The following ESRRB variants were observed in gnomAD, a reference collection of about 807,000 sequenced individuals.
ESRRB encodes steroid hormone receptor ERR2.
A neutral mutation model predicts 46.0 loss-of-function variants in ESRRB; 16 were observed. The ratio of observed to expected loss-of-function variants is 0.35; its 90% CI spans 0.24 to 0.53. The LOEUF (loss-of-function observed/expected upper bound fraction) is 0.53. Among genes scored for constraint, ESRRB ranks in the 20% least tolerant of loss-of-function variants. ESRRB has a pLI of 0.93. For synonymous variants in ESRRB, 246 were observed against 259.6 expected (o/e 0.95, Z 0.50); for missense variants, 488 against 607.4 (o/e 0.80, Z 2.07).
At chr14:76,354,234 C>T (rs1465295947) in intron 1 of ESRRB, among the ~76,000 whole-genome samples, 5 of 98,372 alleles carry the variant, frequency 5.1e-5, no homozygotes, top group African/African-American at 2.1e-4. Flanking sequence ...GCCCCCCCCC[C>T]CACCCACACT....
intron 1 of ESRRB, among the ~76,000 whole-genome samples, chr14:76,404,149 G>T (rs915249092): frequency 1.3e-5 from 2 of 151,964 alleles, no homozygotes; most frequent in Non-Finnish European, 2.9e-5. Flanking sequence ...TTGCATTAGG[G>T]TGTTCCAGAA....
At chr14:76,459,002 A>T (rs1218817904) in intron 2 of ESRRB, among the ~76,000 whole-genome samples, 1 of 151,700 alleles carries the variant, frequency 6.6e-6, no homozygotes, top group African/African-American at 2.4e-5. Flanking sequence ...GCACCACCAC[A>T]CCTGGCTAAG....
rs1380258950 is a variant in ESRRB at position 76,462,807 on chromosome 14, C to T, written c.577+146C>T. 4.0e-6 allele frequency: 3 copies of T among 743,186 alleles called. No individual in the cohort carries two copies. The Admixed American group carries it at 5.2e-5, about 13-fold the overall frequency. The allele number at this position is 743,186 out of a possible 1,614,324, so 46.0% of individuals were successfully genotyped here. The stretch of plus-strand genomic sequence containing the variant: ...CCCATCTCCTCCCACACCCTGCCAG[C>T]CTGCCACGGCGCCCGCATGGCTCTC... On this transcript the variant is annotated intron_variant, in intron 3 of 6. Transcript: ENST00000644823.
chr14:76,491,967 G>A (rs185059292), intron 6 of ESRRB, among the ~76,000 whole-genome samples: 105 of 152,318 alleles, frequency 6.9e-4, no homozygotes, highest in African/African-American at 2.4e-3. Flanking sequence ...AAGGACATGG[G>A]TTCTGAGGCC....
rs564137305 is a variant in ESRRB at position 76,468,932 on chromosome 14, T to G, written c.577+6271T>G. 3.9e-5 allele frequency among the ~76,000 whole-genome samples: 6 copies of G among 152,234 alleles called. No homozygotes were observed. The East Asian group carries it at 9.7e-4, about 25-fold the overall frequency. On this transcript the variant is annotated intron_variant, in intron 3 of 6. Coordinates refer to ENST00000644823, the MANE Select transcript of ESRRB (RefSeq NM_001379180.1). ...AATAGAAAGTCAAATGGGACACATC[T>G]TACCCTCCTACCATTGAATCCACAA...
chr14:76,481,982 A>G, intron 3 of ESRRB, 34 bp from the exon 4 acceptor site: 2 of 1,593,710 alleles, frequency 1.3e-6, no homozygotes, highest in Non-Finnish European at 1.7e-6. Context: ...ATGTTGAACA[A>G]CTGCTGAGAT....
At position 76,491,391 on chromosome 14, in the gene ESRRB, G is replaced by A. The variant is rs555571127; in HGVS notation, c.851-56G>A. 1.2e-5 allele frequency: 19 copies of A among 1,585,492 alleles called. No homozygotes were observed. In the East Asian group the frequency reaches 2.5e-4, roughly 21 times the overall value. ...TCTGCCCCCAGCGAGCCCCAGGGAG[G>A]CCCCTGGTCCGCCCTCCTGACCTGC... On this transcript the variant is annotated intron_variant, in intron 5 of 6. Coordinates refer to ENST00000644823, the MANE Select transcript of ESRRB (RefSeq NM_001379180.1).
chr14:76,365,289 A>G (rs1037503085), intron 1 of ESRRB, among the ~76,000 whole-genome samples: 46 of 152,238 alleles, frequency 3.0e-4, no homozygotes, highest in African/African-American at 1.1e-3. Flanking sequence ...AGCCTTGGCA[A>G]CAAAGTGAGA....
intron 2 of ESRRB, among the ~76,000 whole-genome samples, chr14:76,449,472 A>G (rs117208863): frequency 5.3e-5 from 8 of 151,862 alleles, no homozygotes; most frequent in Non-Finnish European, 1.2e-4. Flanking sequence ...AATTGTTTGA[A>G]CCCGGGAGGC....
intron 1 of ESRRB, among the ~76,000 whole-genome samples, chr14:76,333,731 A>T (rs1024608916): frequency 1.3e-5 from 2 of 151,962 alleles, no homozygotes; most frequent in Admixed American, 6.6e-5. Flanking sequence ...AGGTAATATT[A>T]AAAAAATTAT....
At chr14:76,449,235 A>T (rs1305559885) in intron 2 of ESRRB, among the ~76,000 whole-genome samples, 1 of 152,210 alleles carries the variant, frequency 6.6e-6, no homozygotes, top group Non-Finnish European at 1.5e-5. Context: ...TTTTCCTGGG[A>T]ATAACTAAAT....
At chr14:76,370,341 T>G (rs754506942), upstream of ESRRB, among the ~76,000 whole-genome samples, 1 of 151,566 alleles carries the variant, frequency 6.6e-6, no homozygotes, top group Non-Finnish European at 1.5e-5. Context: ...GAGGTTGCAG[T>G]GAACTGAGAT....
rs548183617 is a variant in ESRRB at position 76,482,480 on chromosome 14, G to A, written c.689-118G>A. ...CAGAACAGGAGGGGAGATTATAGCC[G>A]CTTTGACCTTCCTGGAGCTCTTAGG... On this transcript the variant is annotated intron_variant, in intron 4 of 6. Transcript: ENST00000644823. This position sits in a 1 kb window ranked among gnomAD's most constrained non-coding sequence, Gnocchi z 4.3. 1.4e-4 allele frequency: 141 copies of A among 1,004,850 alleles called. No homozygotes were observed. In the African/African-American group the frequency reaches 1.9e-3, roughly 14 times the overall value. The allele number at this position is 1,004,850 out of a possible 1,614,324, so 62.2% of individuals were successfully genotyped here. A position where few individuals can be genotyped will look rare whatever the true frequency, so the allele number is the denominator to read the frequency against.
At chr14:76,380,856 G>A (rs2139799612) in intron 1 of ESRRB, among the ~76,000 whole-genome samples, 1 of 152,342 alleles carries the variant, frequency 6.6e-6, no homozygotes, top group South Asian at 2.1e-4. Flanking sequence ...CAGGAAGCCA[G>A]GAGAGTACAA....
intron 1 of ESRRB, among the ~76,000 whole-genome samples, chr14:76,434,081 C>T (rs1887567390): frequency 6.6e-6 from 1 of 152,048 alleles, no homozygotes; most frequent in Non-Finnish European, 1.5e-5. Context: ...ACCTCAGCCT[C>T]CCCAGTAGCT....
chr14:76,326,826 G>A (rs941122109), intron 1 of ESRRB, among the ~76,000 whole-genome samples: 1 of 152,224 alleles, frequency 6.6e-6, no homozygotes, highest in South Asian at 2.1e-4. Context: ...GGGGAAAAAA[G>A]CACCCTTCTT....
chr14:76,337,313 A>C (rs904304254), intron 1 of ESRRB, among the ~76,000 whole-genome samples: 7 of 152,294 alleles, frequency 4.6e-5, no homozygotes, highest in African/African-American at 1.7e-4. Flanking sequence ...TGGCAGAGGT[A>C]GAGGACTTTC....
chr14:76,492,045 T>C (rs1009072150), intron 6 of ESRRB, among the ~76,000 whole-genome samples: 3 of 152,238 alleles, frequency 2.0e-5, no homozygotes, highest in Non-Finnish European at 4.4e-5. Flanking sequence ...CCTCAGTTTC[T>C]TCATCAGTAA....
At position 76,498,197 on chromosome 14, in the gene ESRRB, C is replaced by T. The variant is rs536820787; in HGVS notation, c.1121-17C>T. The T allele has an allele frequency of 2.4e-5, 38 of 1,613,530 alleles. No individual in the cohort carries two copies. Among genetic ancestry groups the T allele is most frequent in the African/African-American group, 1.1e-4 (8 of 75,064 alleles). ...CTCCCTGGCCAAGCCTGCTAATGCT[C>T]GTCCTTGTGCCTGCAGATTCCATGT... On this transcript the variant is annotated splice_polypyrimidine_tract_variant and intron_variant, in intron 6 of 6. Transcript: ENST00000644823.
Sources: gnomAD v4.1 joint callset for allele counts (sites outside exome capture counted in the v4.1 genomes callset) on GRCh38, gnomAD v4.1.1 for gene constraint, Gnocchi (gnomAD v3.1) non-coding constraint, MANE v1.5 for transcripts, NCBI Gene and HGNC (gene_info 2026-07-23, HGNC 2026-07-21) for gene names.